TMEM201: variants seen among roughly 807,000 people sequenced by gnomAD.
TMEM201 encodes the protein RP13-15M17.2.
A neutral mutation model predicts 63.4 loss-of-function variants in TMEM201; 26 were observed. The observed-to-expected ratio is 0.41, with a 90% CI of 0.30 to 0.57. TMEM201 has a LOEUF of 0.57. Ranked by LOEUF, TMEM201 falls within the 20% of genes least tolerant of loss-of-function variation. The pLI, the probability that TMEM201 is intolerant of heterozygous loss-of-function variation, is 0.29. For missense variants in TMEM201, 794 were observed against 917.7 expected (o/e 0.87, Z 1.74); for synonymous variants, 417 against 421.6 (o/e 0.99, Z 0.14).
rs572394990 is a variant in TMEM201, at chr1:9,610,303, G to A, written c.1466-203G>A. ...GGCAGAAGGCCATGGCTGAGGCTCCGGGATCTCTCCTCTCCCTCAGGTGCC... is the reference window on the plus strand; with the variant it reads ...GGCAGAAGGCCATGGCTGAGGCTCCAGGATCTCTCCTCTCCCTCAGGTGCC... On this transcript the variant is annotated intron_variant, in intron 8 of 10. Transcript: ENST00000340381. This position sits in a 1 kb window ranked among gnomAD's most constrained non-coding sequence, Gnocchi z 4.9. 2.2e-4 allele frequency among the ~76,000 whole-genome samples: 33 copies of A among 152,210 alleles called. No homozygotes were observed. The highest frequency in any genetic ancestry group is 6.2e-4 in the South Asian group (3 of 4,816).
intron 5 of TMEM201, 130 bp from the exon 6 acceptor site, chr1:9,601,939 G>A (rs1253171055): frequency 2.6e-5 from 29 of 1,120,012 alleles, no homozygotes; most frequent in South Asian, 1.0e-4. Flanking sequence ...AGGGGATTCC[G>A]AGCCCACACT....
chr1:9,590,885 A>G (rs992150502), intron 1 of TMEM201, among the ~76,000 whole-genome samples: 1 of 152,176 alleles, frequency 6.6e-6, no homozygotes, highest in Non-Finnish European at 1.5e-5. Context: ...GTGAGGAACC[A>G]AGCATTGACT....
chr1:9,596,812 C>T lies in TMEM201; in HGVS notation c.235-47C>T, dbSNP rs775025341. ...CCCCAGGGACATCACCAAGCCTGAG[C>T]CAGCTGGGAGGGCCTGCCTGCCTCG... On this transcript the variant is annotated intron_variant, in intron 2 of 10. Transcript: ENST00000340381. 37 of 1,542,168 alleles carry T rather than the reference C, an allele frequency of 2.4e-5. No homozygotes were observed. In the South Asian group the frequency reaches 3.2e-4, roughly 14 times the overall value.
chr1:9,589,987 TCTTC>T (rs1643893153), intron 1 of TMEM201, among the ~76,000 whole-genome samples: 1 of 152,208 alleles, frequency 6.6e-6, no homozygotes, highest in African/African-American at 2.4e-5. Flanking sequence ...GTCTGTTTGT[TCTTC>T]CTTAACACAT....
rs1279619143 is a variant in TMEM201, at chr1:9,607,233, C to T, written c.1161-324C>T. Among the ~76,000 whole-genome samples the T allele has an allele frequency of 4.0e-5, 6 of 151,690 alleles. No homozygotes were observed. Among genetic ancestry groups the T allele is most frequent in the Non-Finnish European group, 8.8e-5 (6 of 67,982 alleles). ...GGGGCTGGGCATTTTTGCTTCAAGG[C>T]GAAAGGGTTGGCATGAGGTTGGCAA... is the stretch of plus-strand genomic sequence containing the variant. On this transcript the variant is annotated intron_variant, in intron 6 of 10. Coordinates refer to ENST00000340381, the MANE Select transcript of TMEM201 (RefSeq NM_001130924.3). The surrounding 1 kb of genome is among the most constrained non-coding windows in gnomAD (Gnocchi z 5.4).
chr1:9,589,069 G>T (rs1294753391), intron 1 of TMEM201, 26 bp downstream of exon 1: 35 of 988,634 alleles, frequency 3.5e-5, no homozygotes, highest in Non-Finnish European at 4.3e-5. Flanking sequence ...GGCCCCACGC[G>T]GCCCTCTGCG....
chr1:9,598,338 G>T, intron 3 of TMEM201, 111 bp from the exon 4 acceptor site: 2 of 1,327,526 alleles, frequency 1.5e-6, no homozygotes, highest in South Asian at 2.7e-5. Flanking sequence ...ACTTGCCCCC[G>T]GTCATCCCCT....
chr1:9,606,098 G>C (rs1009521270), intron 6 of TMEM201: 4 of 152,296 alleles, frequency 2.6e-5, no homozygotes, highest in Non-Finnish European at 4.4e-5. Context: ...GGTGCCCTCA[G>C]GGTCATTCCC....
rs766423160 is a variant in TMEM201, at chr1:9,610,568, G to A, written c.1528G>A (p.Val510Met). 7.1e-6 allele frequency: 11 copies of A among 1,549,824 alleles called. No homozygotes were observed. Among genetic ancestry groups the A allele is most frequent in the Middle Eastern group, 1.7e-4 (1 of 5,988 alleles). Residue 510 changes from valine to methionine, a missense_variant, in exon 9 of 11, where the codon GTG becomes ATG. By Grantham distance (21) the Val-to-Met change is conservative. Transcript: ENST00000340381. The surrounding 1 kb of genome is among the most constrained non-coding windows in gnomAD (Gnocchi z 4.9). ...CCCACTCCCTTCCCCAGCGCCTTCC[G>A]TGGCCGGCTCGGTGGCCTCCAGCTC... ...SSPLPSPAPS[V>M]AGSVASSSGS...
intron 4 of TMEM201, 147 bp downstream of exon 4, chr1:9,598,772 A>G: frequency 1.2e-6 from 1 of 861,752 alleles, no homozygotes; most frequent in Non-Finnish European, 1.7e-6. Context: ...TTTTTGAGAT[A>G]AAGTTTTGCT....
intron 6 of TMEM201, chr1:9,606,543 G>T (rs1326981467): frequency 6.6e-6 from 1 of 152,240 alleles, no homozygotes; most frequent in East Asian, 1.9e-4. Context: ...CTGGGCGCAG[G>T]TCCCTTAAGC....
chr1:9,593,293 C>T (rs1643952290), intron 1 of TMEM201, among the ~76,000 whole-genome samples: 1 of 152,190 alleles, frequency 6.6e-6, no homozygotes, highest in African/African-American at 2.4e-5. Context: ...CGTGCTGGTG[C>T]CTGGGGGACC....
At chr1:9,589,124 C>G (rs1643878098) in intron 1 of TMEM201, 81 bp downstream of exon 1, 3 of 646,366 alleles carry the variant, frequency 4.6e-6, no homozygotes, top group Non-Finnish European at 5.8e-6. Context: ...CCGCTGCCCC[C>G]CTCGGCCGGG....
rs1049019689 is a variant in TMEM201, at chr1:9,604,556, G to C, written c.1160+2284G>C. 1.2e-5 allele frequency: 12 copies of C among 985,440 alleles called. No homozygotes were observed. The South Asian group carries it at 5.2e-4, about 42-fold the overall frequency. 61.0% of individuals were successfully genotyped at this position (985,440 alleles called of 1,614,324 possible). On this transcript the variant is annotated intron_variant, in intron 6 of 10. Transcript: ENST00000340381. The surrounding 1 kb of genome is among the most constrained non-coding windows in gnomAD (Gnocchi z 4.1). ...CCCCTGCCAGGGAACTCTTCTCCTC[G>C]CGGGGGACTTGGGATGGCCATCAGA...
intron 3 of TMEM201, 35 bp from the exon 4 acceptor site, chr1:9,598,414 C>T (rs757211538): frequency 6.3e-7 from 1 of 1,595,328 alleles, no homozygotes; most frequent in African/African-American, 1.3e-5. Context: ...TCATCCACCC[C>T]TGCAGATGCC....
rs1471827288 is a variant in TMEM201 at position 9,596,782 on chromosome 1, C to T, written c.235-77C>T. The T allele has an allele frequency of 1.5e-5, 21 of 1,441,356 alleles. 1 individual carries two copies. The South Asian group carries it at 2.3e-4, about 16-fold the overall frequency. The allele number at this position is 1,441,356 out of a possible 1,614,324, so 89.3% of individuals were successfully genotyped here. A position where few individuals can be genotyped will look rare whatever the true frequency, so the allele number is the denominator to read the frequency against. On this transcript the variant is annotated intron_variant, in intron 2 of 10. Coordinates refer to ENST00000340381, the MANE Select transcript of TMEM201 (RefSeq NM_001130924.3). ...CTACCATCACTTGCCTGGAGCGGGGCGGGCCCCCAGGGACATCACCAAGCC... is the reference window on the plus strand; with the variant it reads ...CTACCATCACTTGCCTGGAGCGGGGTGGGCCCCCAGGGACATCACCAAGCC...
intron 1 of TMEM201, among the ~76,000 whole-genome samples, chr1:9,589,923 G>T (rs1171457400): frequency 1.3e-5 from 2 of 152,222 alleles, no homozygotes; most frequent in African/African-American, 4.8e-5. Context: ...GAAGGGACTT[G>T]CCCACTCAGC....
rs1158850603 is a variant in TMEM201 at position 9,605,320 on chromosome 1, A to G, written c.1161-2237A>G. On this transcript the variant is annotated intron_variant, in intron 6 of 10. Transcript: ENST00000340381. This position sits in a 1 kb window ranked among gnomAD's most constrained non-coding sequence, Gnocchi z 5.7. ...CCTGGTCACTTAGTCCCTCTCTGAC[A>G]CTCCCCAGAGCCAGCATCCAGGCCT... Among the ~76,000 whole-genome samples the G allele has an allele frequency of 6.6e-6, 1 of 150,988 alleles. No individual in the cohort carries two copies. The highest frequency in any genetic ancestry group is 1.5e-5 in the Non-Finnish European group (1 of 67,818).
rs1319179663 is a variant in TMEM201 at position 9,598,526 on chromosome 1, G to A, written c.507G>A (p.Ala169=). The A allele has an allele frequency of 7.4e-6, 12 of 1,613,904 alleles. No homozygotes were observed. Among genetic ancestry groups the A allele is most frequent in the African/African-American group, 2.7e-5 (2 of 75,046 alleles). The change falls in exon 4 of 11, where the codon GCG becomes GCA. Residue 169 remains alanine, a synonymous_variant. Transcript: ENST00000340381. ...ACAAGCTGTGCCGGCCGTGCCAAGC[G>A]GCTGTGGAGTACTACATCAAGCACC... ...QMYKLCRPCQ[A]AVEYYIKHQN... is the part of the protein sequence containing the mutation.
Sources: gnomAD v4.1 joint callset for allele counts (sites outside exome capture counted in the v4.1 genomes callset) on GRCh38, gnomAD v4.1.1 for gene constraint, Gnocchi (gnomAD v3.1) non-coding constraint, MANE v1.5 for transcripts, NCBI Gene and HGNC (gene_info 2026-07-23, HGNC 2026-07-21) for gene names.